ROBO2: variants seen among roughly 807,000 people sequenced by gnomAD.
ROBO2 encodes the protein roundabout homolog 2.
Under a neutral mutation model 160.8 loss-of-function variants are expected in ROBO2, and 53 were observed. That is an observed-to-expected ratio of 0.33 (90% CI 0.26 to 0.41). The LOEUF is 0.41. ROBO2 is among the 10% of genes least tolerant of loss of function. The pLI, the probability that ROBO2 is intolerant of heterozygous loss-of-function variation, is 1.00. For synonymous variants in ROBO2, 664 were observed against 611.7 expected, an observed-to-expected ratio of 1.09 and a Z score of -1.26; for missense variants, 1,577 against 1,722.4, an observed-to-expected ratio of 0.92 and a Z score of 1.49.
intron 2 of ROBO2, among the ~76,000 whole-genome samples, chr3:76,313,999 G>A (rs1286165392): frequency 6.6e-6 from 1 of 152,090 alleles, no homozygotes; most frequent in Non-Finnish European, 1.5e-5. Flanking sequence ...ACGGATGACG[G>A]GAAACTGACT....
chr3:77,175,879 G>A (rs975996681), intron 2 of ROBO2, among the ~76,000 whole-genome samples: 1 of 152,004 alleles, frequency 6.6e-6, no homozygotes, highest in Admixed American at 6.6e-5. Context: ...TTCAGATAAC[G>A]TTTTGGAAAC....
At chr3:76,967,980 G>A (rs1437072405) in intron 2 of ROBO2, among the ~76,000 whole-genome samples, 4 of 152,024 alleles carry the variant, frequency 2.6e-5, no homozygotes, top group Non-Finnish European at 5.9e-5. Flanking sequence ...TATGGCCAAG[G>A]TTCTTCCATT....
At chr3:77,100,356 A>C (rs1038823558) in intron 2 of ROBO2, among the ~76,000 whole-genome samples, 4 of 152,266 alleles carry the variant, frequency 2.6e-5, no homozygotes, top group South Asian at 2.1e-4. Flanking sequence ...AAGGTCAAAT[A>C]ATATTCATTT....
chr3:77,130,353 A>T (rs1276925228), intron 2 of ROBO2, among the ~76,000 whole-genome samples: 1 of 152,226 alleles, frequency 6.6e-6, no homozygotes, highest in African/African-American at 2.4e-5. Context: ...TTTGAACTCG[A>T]TTAAGAAAGT....
At chr3:77,461,344 A>G (rs1391377123) in intron 2 of ROBO2, among the ~76,000 whole-genome samples, 3 of 152,036 alleles carry the variant, frequency 2.0e-5, no homozygotes, top group Non-Finnish European at 4.4e-5. Flanking sequence ...TAATGAGCCA[A>G]CATTATTATA....
At chr3:76,173,594 T>C (rs189108860) in intron 2 of ROBO2, among the ~76,000 whole-genome samples, 8 of 152,260 alleles carry the variant, frequency 5.3e-5, no homozygotes, top group African/African-American at 1.7e-4. Context: ...CTCCCACTTA[T>C]GAATGAGAAC....
intron 2 of ROBO2, among the ~76,000 whole-genome samples, chr3:76,990,356 T>C (rs539390751): frequency 2.0e-5 from 3 of 152,258 alleles, no homozygotes; most frequent in African/African-American, 4.8e-5. Flanking sequence ...AAACAAAACA[T>C]ATAAAATCAC....
At chr3:76,362,002 G>A (rs1049703339) in intron 2 of ROBO2, among the ~76,000 whole-genome samples, 1 of 152,086 alleles carries the variant, frequency 6.6e-6, no homozygotes, top group African/African-American at 2.4e-5. Context: ...GTCTTGGAGT[G>A]ATTTAAATGA....
chr3:77,366,157 A>G (rs1422623303), intron 2 of ROBO2, among the ~76,000 whole-genome samples: 13 of 152,160 alleles, frequency 8.5e-5, no homozygotes, highest in Admixed American at 6.6e-4. Context: ...CCATGCATGG[A>G]TCTTTAGAAA....
At chr3:76,424,659 T>C (rs1577097522) in intron 2 of ROBO2, among the ~76,000 whole-genome samples, 1 of 152,260 alleles carries the variant, frequency 6.6e-6, no homozygotes, top group Non-Finnish European at 1.5e-5. Context: ...TTAAGTGCTT[T>C]TACCAGAAAA....
intron 2 of ROBO2, among the ~76,000 whole-genome samples, chr3:76,449,759 T>A (rs532901351): frequency 5.4e-4 from 82 of 152,272 alleles, no homozygotes; most frequent in African/African-American, 1.9e-3. Flanking sequence ...GCATTTACAT[T>A]GAAGAGAGTC....
At chr3:75,999,591 A>G (rs1373847255) in intron 2 of ROBO2, among the ~76,000 whole-genome samples, 1 of 152,158 alleles carries the variant, frequency 6.6e-6, no homozygotes, top group African/African-American at 2.4e-5. Context: ...AAAGAATTTC[A>G]TGTGTGTGGC....
chr3:76,697,838 G>A (rs796932017), intron 2 of ROBO2, among the ~76,000 whole-genome samples: 6 of 151,726 alleles, frequency 4.0e-5, no homozygotes, highest in Non-Finnish European at 5.9e-5. Flanking sequence ...TCAAAAGAGC[G>A]AAGGAAAAAA....
At chr3:77,041,896 C>T (rs1457628584) in intron 1 of ROBO2, among the ~76,000 whole-genome samples, 1 of 152,068 alleles carries the variant, frequency 6.6e-6, no homozygotes, top group African/African-American at 2.4e-5. Context: ...ACTGTTTGAG[C>T]CATCACAATA....
chr3:77,471,171 C>T (rs2083312260), intron 2 of ROBO2, among the ~76,000 whole-genome samples: 1 of 152,120 alleles, frequency 6.6e-6, no homozygotes, highest in Admixed American at 6.5e-5. Flanking sequence ...AGTCTCACTT[C>T]ATTGTCATTG....
At chr3:77,307,891 G>A (rs1560498349) in intron 2 of ROBO2, among the ~76,000 whole-genome samples, 1 of 151,980 alleles carries the variant, frequency 6.6e-6, no homozygotes, top group African/African-American at 2.4e-5. Context: ...CCATAAAGCG[G>A]TGGTTGCAGT....
intron 2 of ROBO2, among the ~76,000 whole-genome samples, chr3:77,247,367 TAC>T (rs1357045844): frequency 6.6e-6 from 1 of 152,170 alleles, no homozygotes; most frequent in African/African-American, 2.4e-5. Flanking sequence ...AGGGAGAGGA[TAC>T]AGTCTTTCTT....
intron 5 of ROBO2, among the ~76,000 whole-genome samples, chr3:77,521,752 A>G (rs1421954556): frequency 6.6e-6 from 1 of 151,330 alleles, no homozygotes; most frequent in Non-Finnish European, 1.5e-5. Flanking sequence ...AAGCTGGGTT[A>G]TTCTTCTAGC....
At chr3:76,561,997 G>A (rs2084211116) in intron 2 of ROBO2, among the ~76,000 whole-genome samples, 1 of 152,040 alleles carries the variant, frequency 6.6e-6, no homozygotes. Context: ...CTCAGGGAGA[G>A]GGCAACATCT....
Sources: gnomAD v4.1 joint callset for allele counts (sites outside exome capture counted in the v4.1 genomes callset) on GRCh38, gnomAD v4.1.1 for gene constraint, MANE v1.5 for transcripts, NCBI Gene and HGNC (gene_info 2026-07-23, HGNC 2026-07-21) for gene names.